Variants in STARD13 observed in about 807,000 individuals in gnomAD.
The protein encoded by STARD13 is stAR-related lipid transfer protein 13.
In STARD13, 62 loss-of-function variants were observed where a neutral mutation model predicts 106.4. That is an observed-to-expected ratio of 0.58 (90% CI 0.48 to 0.72). The LOEUF (loss-of-function observed/expected upper bound fraction) is 0.72. STARD13 is among the 30% of genes least tolerant of loss of function. The probability of loss-of-function intolerance (pLI) is 0.00; values close to 1 mark genes in which losing one functional copy is unlikely to be tolerated. For synonymous variants in STARD13, 565 were observed against 553.0 expected, an observed-to-expected ratio of 1.02 and a Z score of -0.31; for missense variants, 1,387 against 1,424.0, an observed-to-expected ratio of 0.97 and a Z score of 0.42.
At chr13:33,308,971 C>G (rs1275984066) in intron 1 of STARD13, among the ~76,000 whole-genome samples, 2 of 152,178 alleles carry the variant, frequency 1.3e-5, no homozygotes, top group Admixed American at 1.3e-4. Context: ...CAGCAAGAGC[C>G]CCAGTGAACC....
At chr13:33,597,812 C>A in the STARD13 span, among the ~76,000 whole-genome samples, 2 of 151,792 alleles carry the variant, frequency 1.3e-5, no homozygotes, top group Non-Finnish European at 2.9e-5. Context: ...TGAGATCGCG[C>A]CACTGCACTC....
the STARD13 span, among the ~76,000 whole-genome samples, chr13:33,487,090 G>C: frequency 6.6e-6 from 1 of 152,258 alleles, no homozygotes; most frequent in Middle Eastern, 3.4e-3. Flanking sequence ...ATGACCTTGG[G>C]CAACTTAACC....
the STARD13 span, among the ~76,000 whole-genome samples, chr13:33,641,581 G>T: frequency 1.3e-5 from 2 of 152,266 alleles, no homozygotes; most frequent in South Asian, 2.1e-4. Flanking sequence ...GAAGATCAGA[G>T]AAAAAGTTTT....
chr13:33,505,794 T>C, the STARD13 span, among the ~76,000 whole-genome samples: 1,332 of 152,252 alleles, frequency 8.7e-3, 17 homozygotes, highest in African/African-American at 0.031. Context: ...TTATGGTGGG[T>C]CCTCCACAAA....
At chr13:33,139,452 C>G (rs1303936113) in intron 4 of STARD13, among the ~76,000 whole-genome samples, 1 of 152,208 alleles carries the variant, frequency 6.6e-6, no homozygotes, top group African/African-American at 2.4e-5. Context: ...ACCTGCAACC[C>G]TTTCATAGGT....
chr13:33,371,576 G>A, the STARD13 span, among the ~76,000 whole-genome samples: 5 of 152,150 alleles, frequency 3.3e-5, no homozygotes, highest in Admixed American at 6.5e-5. Context: ...AAGGTGATGC[G>A]CAATAGTAAA....
At chr13:33,338,756 T>C (rs7989296) in intron 1 of STARD13, among the ~76,000 whole-genome samples, 2 of 151,866 alleles carry the variant, frequency 1.3e-5, no homozygotes, top group African/African-American at 2.4e-5. Context: ...TGGTGGCATG[T>C]GCCTGTAGTC....
At chr13:33,486,872 T>C in the STARD13 span, among the ~76,000 whole-genome samples, 2 of 152,180 alleles carry the variant, frequency 1.3e-5, no homozygotes, top group African/African-American at 2.4e-5. Flanking sequence ...CATTGACCTT[T>C]AAAAAGTTTC....
chr13:33,424,599 C>T, the STARD13 span, among the ~76,000 whole-genome samples: 2 of 152,160 alleles, frequency 1.3e-5, no homozygotes, highest in Non-Finnish European at 2.9e-5. Flanking sequence ...AAGAAAAGCT[C>T]AGGCAGCTGG....
At chr13:33,676,458 G>A in the STARD13 span, among the ~76,000 whole-genome samples, 4 of 152,142 alleles carry the variant, frequency 2.6e-5, no homozygotes, top group South Asian at 2.1e-4. Context: ...CTACATGACC[G>A]TTTCATTATG....
the STARD13 span, among the ~76,000 whole-genome samples, chr13:33,422,798 A>C: frequency 6.6e-6 from 1 of 152,180 alleles, no homozygotes; most frequent in Admixed American, 6.6e-5. Flanking sequence ...CCACACATCT[A>C]CAACCATCTG....
the STARD13 span, among the ~76,000 whole-genome samples, chr13:33,674,216 G>A: frequency 6.6e-6 from 1 of 152,000 alleles, no homozygotes; most frequent in African/African-American, 2.4e-5. Flanking sequence ...AAAATACAAC[G>A]GTCTAATTGC....
chr13:33,177,714 A>C (rs1300100620), intron 1 of STARD13, among the ~76,000 whole-genome samples: 1 of 149,308 alleles, frequency 6.7e-6, no homozygotes, highest in Admixed American at 6.8e-5. Flanking sequence ...GGAGGAAGGG[A>C]GGAAGGAGGG....
At chr13:33,265,195 G>A (rs1890837389) in intron 1 of STARD13, among the ~76,000 whole-genome samples, 1 of 152,062 alleles carries the variant, frequency 6.6e-6, no homozygotes, top group African/African-American at 2.4e-5. Flanking sequence ...AATTCAGGTG[G>A]AGAAGTTAAA....
At chr13:33,576,851 G>T in the STARD13 span, among the ~76,000 whole-genome samples, 3 of 152,068 alleles carry the variant, frequency 2.0e-5, no homozygotes, top group African/African-American at 7.2e-5. Context: ...ATAAAATTTT[G>T]TAAAATCCTC....
At chr13:33,549,652 A>G in the STARD13 span, among the ~76,000 whole-genome samples, 1 of 152,148 alleles carries the variant, frequency 6.6e-6, no homozygotes, top group Non-Finnish European at 1.5e-5. Flanking sequence ...CATTTTGGCT[A>G]TTTCCCCATG....
At chr13:33,211,953 T>C (rs1411317494) in intron 1 of STARD13, among the ~76,000 whole-genome samples, 1 of 152,222 alleles carries the variant, frequency 6.6e-6, no homozygotes, top group Non-Finnish European at 1.5e-5. Context: ...GAATTGCTTT[T>C]CACTGAAACA....
the STARD13 span, among the ~76,000 whole-genome samples, chr13:33,646,425 T>C: frequency 6.6e-6 from 1 of 152,194 alleles, no homozygotes; most frequent in Non-Finnish European, 1.5e-5. Flanking sequence ...GAAGCACTCA[T>C]GGGTTCAGTA....
At chr13:33,286,882 G>T (rs1186230028), upstream of STARD13, among the ~76,000 whole-genome samples, 1 of 151,746 alleles carries the variant, frequency 6.6e-6, no homozygotes, top group Non-Finnish European at 1.5e-5. Flanking sequence ...ATATATGTGT[G>T]TATATATATG....
Sources: allele counts gnomAD v4.1 joint callset (sites outside exome capture counted in the v4.1 genomes callset), GRCh38; gene constraint gnomAD v4.1.1; transcripts MANE v1.5; gene names NCBI Gene and HGNC (gene_info 2026-07-23, HGNC 2026-07-21).